The following MELK variants were observed in gnomAD, a reference collection of about 807,000 sequenced individuals.
MELK encodes pEg3 kinase.
MELK carries 81 observed loss-of-function variants against 85.0 expected under a neutral mutation model. The observed-to-expected ratio is 0.95, with a 90% confidence interval of 0.80 to 1.15. The LOEUF (loss-of-function observed/expected upper bound fraction) is 1.15. Ranked by LOEUF, MELK falls within the 50% of genes most tolerant of loss-of-function variation. MELK has a pLI of 0.00. For synonymous variants in MELK, 252 were observed against 265.0 expected (o/e 0.95, Z 0.48); for missense variants, 754 against 777.5 (o/e 0.97, Z 0.36).
At chr9:36,629,998 C>T in intron 8 of MELK, 1 of 221,186 alleles carries the variant, frequency 4.5e-6, no homozygotes, top group Non-Finnish European at 9.0e-6. Flanking sequence ...GTGCCTGCCA[C>T]CACGACTGAC....
chr9:36,648,846 A>G (rs1292737720), intron 11 of MELK, among the ~76,000 whole-genome samples: 1 of 152,168 alleles, frequency 6.6e-6, no homozygotes, highest in Non-Finnish European at 1.5e-5. Flanking sequence ...GTAATTCTTC[A>G]CTTTTAAGTA....
At chr9:36,574,326 T>C (rs1295116878) in intron 1 of MELK, among the ~76,000 whole-genome samples, 1 of 151,628 alleles carries the variant, frequency 6.6e-6, no homozygotes, top group African/African-American at 2.4e-5. Context: ...GGCTCACGCT[T>C]GTAATCCCAG....
At chr9:36,621,275 GAAAAAAAAAAAAAA>G (rs74181196) in intron 8 of MELK, among the ~76,000 whole-genome samples, 364 of 32,366 alleles carry the variant, frequency 0.011, 4 homozygotes, top group Non-Finnish European at 0.018. Context: ...CTGTCTCAGG[GAAAAAAAAAAAAAA>G]AAAAAAAAAA....
chr9:36,626,965 A>G (rs903402315), intron 8 of MELK, among the ~76,000 whole-genome samples: 2 of 130,816 alleles, frequency 1.5e-5, no homozygotes, highest in Non-Finnish European at 3.1e-5. Flanking sequence ...TCTCAAGAAG[A>G]AAAAAAAAAA....
chr9:36,614,443 T>A (rs1447263253), intron 8 of MELK, among the ~76,000 whole-genome samples: 31 of 129,962 alleles, frequency 2.4e-4, no homozygotes, highest in South Asian at 1.9e-3. Flanking sequence ...TTTTTTTTTT[T>A]AATTTATTTT....
intron 11 of MELK, among the ~76,000 whole-genome samples, chr9:36,651,496 A>G (rs1830693445): frequency 6.6e-6 from 1 of 152,206 alleles, no homozygotes; most frequent in South Asian, 2.1e-4. Context: ...GTAAGCATTT[A>G]GTTTGGAAAT....
At chr9:36,666,767 G>A (rs898546654) in intron 14 of MELK, among the ~76,000 whole-genome samples, 2 of 151,862 alleles carry the variant, frequency 1.3e-5, no homozygotes, top group Non-Finnish European at 2.9e-5. Context: ...CCATTTTTAT[G>A]TTAACGTCAT....
At chr9:36,660,016 C>T (rs2137597453) in intron 13 of MELK, among the ~76,000 whole-genome samples, 1 of 152,222 alleles carries the variant, frequency 6.6e-6, no homozygotes, top group East Asian at 1.9e-4. Context: ...TCAGGCTGGT[C>T]TCGAACTGCT....
At chr9:36,665,708 A>G in intron 14 of MELK, 127 bp downstream of exon 14, 2 of 644,752 alleles carry the variant, frequency 3.1e-6, no homozygotes, top group Non-Finnish European at 5.1e-6. Flanking sequence ...GCTGTTTTTT[A>G]TCATGTCATT....
At chr9:36,596,557 C>CTTTTTGTTT (rs1208026089) in intron 5 of MELK, among the ~76,000 whole-genome samples, 50 of 142,892 alleles carry the variant, frequency 3.5e-4, no homozygotes, top group South Asian at 1.1e-3. Context: ...GCGCCCGGCC[C>CTTTTTGTTT]TTTTTGTTTT....
chr9:36,646,761 A>G (rs991286588), intron 11 of MELK, among the ~76,000 whole-genome samples: 3 of 152,198 alleles, frequency 2.0e-5, no homozygotes, highest in African/African-American at 4.8e-5. Flanking sequence ...CCTCAGGAGG[A>G]GGGTCAGAGG....
chr9:36,587,959 G>C (rs1204828546), intron 3 of MELK, among the ~76,000 whole-genome samples: 1 of 150,794 alleles, frequency 6.6e-6, no homozygotes, highest in East Asian at 2.0e-4. Flanking sequence ...TTAGAGATGG[G>C]TTTTCACCAT....
At chr9:36,635,762 TA>T (rs1215853632) in intron 10 of MELK, among the ~76,000 whole-genome samples, 3 of 151,826 alleles carry the variant, frequency 2.0e-5, no homozygotes, top group Non-Finnish European at 4.4e-5. Flanking sequence ...TTAAACAATT[TA>T]AAAAATACTA....
chr9:36,606,509 T>C (rs1372989227), intron 7 of MELK, among the ~76,000 whole-genome samples: 4 of 133,730 alleles, frequency 3.0e-5, no homozygotes, highest in African/African-American at 8.2e-5. Flanking sequence ...AATAAATACA[T>C]ATGTATAGGT....
chr9:36,668,959 T>C (rs1832638212), intron 14 of MELK, among the ~76,000 whole-genome samples: 1 of 152,146 alleles, frequency 6.6e-6, no homozygotes, highest in African/African-American at 2.4e-5. Context: ...CTTGTATAAA[T>C]ACAGATTGAC....
intron 3 of MELK, among the ~76,000 whole-genome samples, 174 bp downstream of exon 3, chr9:36,583,886 C>A (rs1822532578): frequency 6.6e-6 from 1 of 152,158 alleles, no homozygotes; most frequent in African/African-American, 2.4e-5. Flanking sequence ...TTACTTTGTT[C>A]TTCAGATTTT....
chr9:36,676,263 A>G (rs1833336107), intron 17 of MELK, among the ~76,000 whole-genome samples: 2 of 152,214 alleles, frequency 1.3e-5, no homozygotes, highest in African/African-American at 4.8e-5. Context: ...AACAGAAAAA[A>G]GTACATAACT....
intron 16 of MELK, among the ~76,000 whole-genome samples, chr9:36,674,041 T>C (rs1246215339): frequency 6.6e-6 from 1 of 152,212 alleles, no homozygotes; most frequent in Non-Finnish European, 1.5e-5. Context: ...AGTAAGATAG[T>C]TGGATACTTT....
intron 17 of MELK, among the ~76,000 whole-genome samples, chr9:36,676,684 ACAC>A (rs1198197664): frequency 6.6e-6 from 1 of 152,224 alleles, no homozygotes; most frequent in Non-Finnish European, 1.5e-5. Context: ...CCTCAAAAAC[ACAC>A]GTGCCTTTCT....
Sources: allele counts gnomAD v4.1 joint callset (sites outside exome capture counted in the v4.1 genomes callset), GRCh38; gene constraint gnomAD v4.1.1; transcripts MANE v1.5; gene names NCBI Gene and HGNC (gene_info 2026-07-23, HGNC 2026-07-21).